Variants in CTNND2 observed in about 807,000 individuals in gnomAD.
The protein encoded by CTNND2 is catenin delta-2.
In CTNND2, 22 loss-of-function variants were observed where a neutral mutation model predicts 144.4. The ratio of observed to expected loss-of-function variants is 0.15; its 90% CI spans 0.11 to 0.22. The LOEUF is 0.22. Ranked by LOEUF, CTNND2 falls within the 10% of genes least tolerant of loss-of-function variation. The pLI, the probability that CTNND2 is intolerant of heterozygous loss-of-function variation, is 1.00. For synonymous variants in CTNND2, 751 were observed against 695.6 expected (o/e 1.08, Z -1.25); for missense variants, 1,353 against 1,618.8 (o/e 0.84, Z 2.82).
At chr5:11,757,437 G>A (rs566773354) in intron 1 of CTNND2, among the ~76,000 whole-genome samples, 4 of 151,724 alleles carry the variant, frequency 2.6e-5, no homozygotes, top group South Asian at 2.1e-4. Flanking sequence ...TTATAAGGGT[G>A]TATGTGTGTA....
intron 9 of CTNND2, among the ~76,000 whole-genome samples, chr5:11,310,894 C>A (rs530286527): frequency 6.9e-6 from 1 of 144,816 alleles, no homozygotes; most frequent in African/African-American, 2.5e-5. Flanking sequence ...ACCTCACACG[C>A]AATACACTCA....
At chr5:11,501,927 C>A (rs1013707096) in intron 3 of CTNND2, among the ~76,000 whole-genome samples, 1 of 147,426 alleles carries the variant, frequency 6.8e-6, no homozygotes, top group Admixed American at 6.9e-5. Flanking sequence ...ACTCGGGAGG[C>A]TGGGGCAGGA....
chr5:11,231,859 G>A (rs1361717280), intron 10 of CTNND2, among the ~76,000 whole-genome samples: 1 of 152,230 alleles, frequency 6.6e-6, no homozygotes, highest in Admixed American at 6.5e-5. Context: ...GAGGCCTGTG[G>A]GAGGGAAAAA....
At chr5:11,525,085 C>G (rs936096540) in intron 3 of CTNND2, among the ~76,000 whole-genome samples, 1 of 152,234 alleles carries the variant, frequency 6.6e-6, no homozygotes, top group Non-Finnish European at 1.5e-5. Flanking sequence ...GTAAGATAAC[C>G]TTTCCCCAGT....
intron 3 of CTNND2, among the ~76,000 whole-genome samples, chr5:11,520,507 T>G (rs1283547280): frequency 6.6e-6 from 1 of 152,258 alleles, no homozygotes; most frequent in East Asian, 1.9e-4. Context: ...CTAAAGTGAC[T>G]GCGTTCTCAG....
intron 10 of CTNND2, among the ~76,000 whole-genome samples, chr5:11,235,747 G>C (rs762183764): frequency 6.6e-6 from 1 of 152,114 alleles, no homozygotes; most frequent in Admixed American, 6.5e-5. Flanking sequence ...TTCCTGATAA[G>C]AACAAACATG....
chr5:11,307,899 T>TTGA (rs1416015665), intron 9 of CTNND2, among the ~76,000 whole-genome samples: 1 of 151,656 alleles, frequency 6.6e-6, no homozygotes, highest in East Asian at 1.9e-4. Context: ...CTTTGGGAGG[T>TTGA]GATTAGGTTA....
chr5:11,462,515 A>C (rs558625749), intron 3 of CTNND2, among the ~76,000 whole-genome samples: 20 of 152,048 alleles, frequency 1.3e-4, no homozygotes, highest in African/African-American at 4.6e-4. Flanking sequence ...TTAGTCTTAG[A>C]TATTATGGGT....
chr5:11,504,539 A>G (rs25935), intron 3 of CTNND2, among the ~76,000 whole-genome samples: 10,050 of 152,024 alleles, frequency 0.066, 1,061 homozygotes, highest in African/African-American at 0.23. Context: ...CTTTCCCTTC[A>G]CACCCTGAGC....
intron 3 of CTNND2, among the ~76,000 whole-genome samples, chr5:11,425,996 CA>C: frequency 6.6e-6 from 1 of 152,280 alleles, no homozygotes; most frequent in South Asian, 2.1e-4. Flanking sequence ...CTGCCTTTAG[CA>C]AAAATCCTAT....
At chr5:11,667,335 T>C (rs1009242262) in intron 2 of CTNND2, among the ~76,000 whole-genome samples, 21 of 152,184 alleles carry the variant, frequency 1.4e-4, no homozygotes, top group Admixed American at 1.1e-3. Flanking sequence ...CCTTGAGGAA[T>C]TGCCACACTG....
At chr5:11,042,186 G>T (rs1430270488) in intron 16 of CTNND2, among the ~76,000 whole-genome samples, 1 of 152,132 alleles carries the variant, frequency 6.6e-6, no homozygotes, top group African/African-American at 2.4e-5. Context: ...GTCACCAAGT[G>T]CACACAGATC....
chr5:11,125,983 T>C (rs1754634221), intron 12 of CTNND2, among the ~76,000 whole-genome samples: 1 of 152,240 alleles, frequency 6.6e-6, no homozygotes, highest in South Asian at 2.1e-4. Flanking sequence ...GCTACAGTTA[T>C]TGAATGACTT....
At chr5:11,656,798 C>T (rs1007354897) in intron 2 of CTNND2, among the ~76,000 whole-genome samples, 7 of 152,086 alleles carry the variant, frequency 4.6e-5, no homozygotes. Context: ...CTGAGATGCA[C>T]ATTTCTTCAA....
At chr5:11,544,534 A>C (rs961962365) in intron 3 of CTNND2, among the ~76,000 whole-genome samples, 1 of 152,250 alleles carries the variant, frequency 6.6e-6, no homozygotes, top group Non-Finnish European at 1.5e-5. Flanking sequence ...TAAACAATTC[A>C]AATGTGCATC....
intron 3 of CTNND2, among the ~76,000 whole-genome samples, chr5:11,518,939 G>A (rs779681780): frequency 3.9e-5 from 6 of 151,914 alleles, no homozygotes; most frequent in Non-Finnish European, 8.8e-5. Flanking sequence ...GTAATGCAAA[G>A]GTAATAGAAT....
intron 18 of CTNND2, among the ~76,000 whole-genome samples, chr5:11,003,270 G>C (rs556536273): frequency 1.3e-5 from 2 of 152,226 alleles, no homozygotes; most frequent in African/African-American, 4.8e-5. Context: ...CCATGCACCA[G>C]CCTGTAACAC....
chr5:11,245,799 C>A (rs1462412275), intron 9 of CTNND2, among the ~76,000 whole-genome samples: 4 of 152,270 alleles, frequency 2.6e-5, no homozygotes, highest in East Asian at 3.9e-4. Flanking sequence ...GGAAAGAGAC[C>A]ACCCCATTAG....
At chr5:11,487,684 GATAAT>G (rs777047467) in intron 3 of CTNND2, among the ~76,000 whole-genome samples, 1 of 151,998 alleles carries the variant, frequency 6.6e-6, no homozygotes, top group African/African-American at 2.4e-5. Context: ...TTAAAAATAA[GATAAT>G]ATTTTACATT....
Sources: gnomAD v4.1 joint callset for allele counts (sites outside exome capture counted in the v4.1 genomes callset) on GRCh38, gnomAD v4.1.1 for gene constraint, MANE v1.5 for transcripts, NCBI Gene and HGNC (gene_info 2026-07-23, HGNC 2026-07-21) for gene names.